The following P4HA3 variants were observed in gnomAD, a reference collection of about 807,000 sequenced individuals.
P4HA3 encodes prolyl 4-hydroxylase subunit alpha-3.
P4HA3 carries 60 observed loss-of-function variants against 66.7 expected under a neutral mutation model. The ratio of observed to expected loss-of-function variants is 0.90; its 90% confidence interval spans 0.73 to 1.12. P4HA3 has a LOEUF of 1.12. P4HA3 is among the 50% of genes most tolerant of loss of function. The probability of loss-of-function intolerance (pLI) is 0.00; values close to 1 mark genes in which losing one functional copy is unlikely to be tolerated. For synonymous variants in P4HA3, 263 were observed against 274.6 expected, an observed-to-expected ratio of 0.96 and a Z score of 0.42; for missense variants, 683 against 685.8, an observed-to-expected ratio of 1.00 and a Z score of 0.05.
At chr11:74,279,245 C>T (rs981393685) in intron 8 of P4HA3, 143 bp downstream of exon 8, 1 of 759,864 alleles carries the variant, frequency 1.3e-6, no homozygotes, top group Non-Finnish European at 2.3e-6. Flanking sequence ...ACTTCACCCT[C>T]TTAAAAAGAA....
intron 4 of P4HA3, among the ~76,000 whole-genome samples, chr11:74,294,501 C>G (rs1405537967): frequency 6.6e-6 from 1 of 152,166 alleles, no homozygotes; most frequent in Admixed American, 6.5e-5. Flanking sequence ...GAGCTCTGTT[C>G]CTTTGGAGGA....
At chr11:74,296,926 C>CTT (rs1201395887) in intron 4 of P4HA3, among the ~76,000 whole-genome samples, 2 of 132,648 alleles carry the variant, frequency 1.5e-5, no homozygotes, top group African/African-American at 2.8e-5. Context: ...TTTTTTTTTT[C>CTT]TTTTTTTCTT....
intron 4 of P4HA3, among the ~76,000 whole-genome samples, chr11:74,293,918 ATG>A (rs1461200008): frequency 2.6e-5 from 4 of 151,958 alleles, no homozygotes; most frequent in Non-Finnish European, 5.9e-5. Flanking sequence ...TCTGACAATT[ATG>A]TGTCTTGGAG....
rs754393769 is a variant in P4HA3 at position 74,302,511 on chromosome 11, C to T, written c.425G>A (p.Arg142Gln). 1.1e-5 allele frequency: 18 copies of T among 1,614,184 alleles called. No homozygotes were observed. Among genetic ancestry groups the T allele is most frequent in the South Asian group, 8.8e-5 (8 of 91,080 alleles). Residue 142 changes from arginine to glutamine, a missense_variant, in exon 3 of 13, where the codon CGG (arginine) becomes CAG (glutamine). Coordinates refer to ENST00000331597, the MANE Select transcript of P4HA3 (RefSeq NM_182904.5). ...DLEGAARALMRLQDVYMLNVK... is the reference protein window; with the variant it reads ...DLEGAARALMQLQDVYMLNVK... ...ATTGAGCATGTACACGTCCTGCAGC[C>T]GCATCAGGGCCCTTGCTGCTCCCTC...
Position 74,277,078 on chromosome 11 carries a change from T to C in P4HA3, c.1242A>G (p.Thr414=). 6.2e-7 allele frequency: 1 copy of C among 1,614,138 alleles called. No homozygotes were observed. Among genetic ancestry groups the C allele is most frequent in the Non-Finnish European group, 8.5e-7 (1 of 1,180,010 alleles). ...VTLNHRIAAL[T]GLDVRPPYAE... ...CATAGGGAGGCCGGACATCAAGGCC[T>C]GTGAGGGCAGCAATGCGGTGGTTGA... The change falls in exon 9 of 13, where the codon ACA becomes ACG. Residue 414 remains threonine, a synonymous_variant. Transcript: ENST00000331597.
chr11:74,311,569 C>CCAGCACCGCCAG lies in P4HA3; in HGVS notation c.31_42dup (p.Leu11_Leu14dup), dbSNP rs949602169. On this transcript the variant is annotated inframe_insertion, in exon 1 of 13. Coordinates refer to ENST00000331597, the MANE Select transcript of P4HA3 (RefSeq NM_182904.5). The stretch of plus-strand genomic sequence containing the variant: ...CTTTCTGGGTCTCCTGTCCCGAGCG[C>CCAGCACCGCCAG]CAGCACCGCCAGCAGCGCCGCCAGC... The CCAGCACCGCCAG allele has an allele frequency of 6.5e-7, 1 of 1,533,718 alleles. No homozygotes were observed. Among genetic ancestry groups the CCAGCACCGCCAG allele is most frequent in the Non-Finnish European group, 8.7e-7 (1 of 1,151,304 alleles).
intron 15 of P4HA3, chr11:74,252,628 C>A: frequency 4.6e-6 from 2 of 434,902 alleles, no homozygotes; most frequent in South Asian, 1.6e-5. Flanking sequence ...CTGTCCTGTG[C>A]ATTGTAGGAT....
chr11:74,296,025 T>C (rs1011783859), intron 4 of P4HA3, among the ~76,000 whole-genome samples: 4 of 152,226 alleles, frequency 2.6e-5, no homozygotes, highest in Non-Finnish European at 4.4e-5. Context: ...CTCAGTTAAG[T>C]TTCTTTGGAA....
intron 8 of P4HA3, among the ~76,000 whole-genome samples, chr11:74,277,893 G>T (rs1468528037): frequency 6.6e-6 from 1 of 152,196 alleles, no homozygotes; most frequent in African/African-American, 2.4e-5. Flanking sequence ...GCATGATATG[G>T]AAGACCATTT....
At chr11:74,310,700 G>C (rs1346168815) in intron 1 of P4HA3, among the ~76,000 whole-genome samples, 1 of 152,170 alleles carries the variant, frequency 6.6e-6, no homozygotes, top group Non-Finnish European at 1.5e-5. Flanking sequence ...ATGAATTAAT[G>C]AACTGAAGCA....
At chr11:74,267,651 A>G (rs1005308273) in intron 12 of P4HA3, among the ~76,000 whole-genome samples, 2 of 152,236 alleles carry the variant, frequency 1.3e-5, no homozygotes, top group African/African-American at 4.8e-5. Flanking sequence ...ACTGAGAGAA[A>G]AACGGGTGGC....
chr11:74,251,146 G>A (rs4489773), intron 15 of P4HA3: 49,911 of 1,490,990 alleles, frequency 0.033, 4,253 homozygotes, highest in African/African-American at 0.33. Flanking sequence ...TGCAGATGCA[G>A]TTCCACCAGC....
intron 11 of P4HA3, among the ~76,000 whole-genome samples, chr11:74,268,844 G>A (rs1282234484): frequency 4.6e-5 from 7 of 152,130 alleles, no homozygotes; most frequent in East Asian, 1.9e-4. Flanking sequence ...CCCCATACAC[G>A]GCTTCTTTGC....
At chr11:74,284,764 A>G (rs190341373) in intron 7 of P4HA3, among the ~76,000 whole-genome samples, 29 of 152,142 alleles carry the variant, frequency 1.9e-4, no homozygotes, top group African/African-American at 7.0e-4. Context: ...CTCTCCCAGG[A>G]ATCAGCCCTG....
At chr11:74,304,490 A>T (rs899771917) in intron 1 of P4HA3, 78 bp from the exon 2 acceptor site, 6 of 1,511,748 alleles carry the variant, frequency 4.0e-6, no homozygotes, top group Non-Finnish European at 5.5e-6. Context: ...GTGTGTGTAC[A>T]TTAAGAGTAG....
chr11:74,253,926 T>C (rs977043065), intron 15 of P4HA3: 1 of 256,692 alleles, frequency 3.9e-6, no homozygotes, highest in African/African-American at 2.2e-5. Flanking sequence ...CCCTGCCTCA[T>C]GGGATGGACA....
At chr11:74,299,176 G>A (rs1184959182) in intron 3 of P4HA3, among the ~76,000 whole-genome samples, 1 of 152,154 alleles carries the variant, frequency 6.6e-6, no homozygotes, top group African/African-American at 2.4e-5. Flanking sequence ...ATTAAATGCT[G>A]GAATGCTGGC....
intron 15 of P4HA3, chr11:74,253,703 C>A: frequency 1.5e-6 from 1 of 650,842 alleles, no homozygotes; most frequent in South Asian, 1.8e-5. Context: ...GGCCCTTGAC[C>A]AACATCGGCT....
chr11:74,282,111 T>C (rs527651794), intron 7 of P4HA3, among the ~76,000 whole-genome samples: 74 of 147,478 alleles, frequency 5.0e-4, no homozygotes, highest in African/African-American at 1.8e-3. Context: ...TCTGTTCTTT[T>C]AGGGCAAAAT....
Sources: gnomAD v4.1 joint callset for allele counts (sites outside exome capture counted in the v4.1 genomes callset) on GRCh38, gnomAD v4.1.1 for gene constraint, MANE v1.5 for transcripts, NCBI Gene and HGNC (gene_info 2026-07-23, HGNC 2026-07-21) for gene names.